The following HIF1A variants were observed in gnomAD, a reference collection of about 807,000 sequenced individuals.
HIF1A encodes hypoxia-inducible factor 1-alpha.
A neutral mutation model predicts 92.7 loss-of-function variants in HIF1A; 24 were observed. That is an observed-to-expected ratio of 0.26 (90% CI 0.19 to 0.36). The LOEUF (loss-of-function observed/expected upper bound fraction) is 0.36, where lower values mean the gene tolerates loss of function less well. Among genes scored for constraint, HIF1A ranks in the 10% least tolerant of loss-of-function variants. The pLI, the probability that HIF1A is intolerant of heterozygous loss-of-function variation, is 1.00. For synonymous variants in HIF1A, 319 were observed against 338.7 expected, an observed-to-expected ratio of 0.94 and a Z score of 0.64; for missense variants, 799 against 998.5, an observed-to-expected ratio of 0.80 and a Z score of 2.69.
intron 1 of HIF1A, among the ~76,000 whole-genome samples, chr14:61,711,177 CAT>C (rs932059283): frequency 9.0e-5 from 13 of 144,430 alleles, no homozygotes; most frequent in South Asian, 2.2e-4. Context: ...GTTCGGAAAA[CAT>C]AAAGATGATA....
At chr14:61,736,099 C>G (rs1594882654) in intron 8 of HIF1A, among the ~76,000 whole-genome samples, 1 of 151,730 alleles carries the variant, frequency 6.6e-6, no homozygotes, top group East Asian at 1.9e-4. Context: ...ATGCCTCAGC[C>G]TCCCAAGTAG....
chr14:61,700,768 A>G (rs979001536), intron 1 of HIF1A, among the ~76,000 whole-genome samples: 3 of 152,224 alleles, frequency 2.0e-5, no homozygotes, highest in East Asian at 3.8e-4. Context: ...AAGGGTTCCT[A>G]TTTCTCCACA....
intron 1 of HIF1A, among the ~76,000 whole-genome samples, chr14:61,698,298 G>T (rs1214902888): frequency 6.6e-6 from 1 of 152,194 alleles, no homozygotes; most frequent in Non-Finnish European, 1.5e-5. Context: ...GCATATGGTG[G>T]TTAAGAGCAT....
intron 6 of HIF1A, among the ~76,000 whole-genome samples, chr14:61,730,991 A>G (rs545628385): frequency 6.6e-6 from 1 of 152,288 alleles, no homozygotes; most frequent in South Asian, 2.1e-4. Context: ...CCCTTTGTAA[A>G]GAATTGAGGG....
intron 6 of HIF1A, 151 bp downstream of exon 6, chr14:61,727,806 G>C: frequency 3.2e-6 from 2 of 632,086 alleles, no homozygotes; most frequent in South Asian, 3.5e-5. Flanking sequence ...GCGGGGGGTG[G>C]ATCATCTGAG....
intron 1 of HIF1A, among the ~76,000 whole-genome samples, chr14:61,707,141 C>T (rs2044247406): frequency 2.0e-5 from 3 of 152,276 alleles, no homozygotes; most frequent in Admixed American, 6.5e-5. Context: ...TTGAAGAACA[C>T]GTTAAGTATC....
intron 1 of HIF1A, among the ~76,000 whole-genome samples, chr14:61,718,019 TAAA>T (rs67584071): frequency 2.8e-5 from 4 of 144,392 alleles, no homozygotes; most frequent in Admixed American, 1.4e-4. Context: ...AGAACTCCAT[TAAA>T]AAAAAAAAAA....
chr14:61,738,522 G>C, intron 10 of HIF1A, 149 bp downstream of exon 10: 1 of 748,430 alleles, frequency 1.3e-6, no homozygotes. Context: ...TATTGCAAGA[G>C]CTACTGCCTA....
intron 9 of HIF1A, among the ~76,000 whole-genome samples, chr14:61,737,628 T>C (rs2044653320): frequency 6.6e-6 from 1 of 152,268 alleles, no homozygotes; most frequent in African/African-American, 2.4e-5. Context: ...GGTTATACTA[T>C]ACTATTGTAT....
chr14:61,697,404 A>G (rs535626128), intron 1 of HIF1A, among the ~76,000 whole-genome samples: 49 of 152,348 alleles, frequency 3.2e-4, no homozygotes, highest in Non-Finnish European at 6.9e-4. Flanking sequence ...CCAGTTTTCT[A>G]TCCTTATTAT....
At position 61,709,320 on chromosome 14, in the gene HIF1A, C is replaced by G. The variant is rs147472239; in HGVS notation, c.36-11062C>G. ...ATCTAAAAACAAAAAGCACATTCTT[C>G]TTACAAGTAATATTTCAATACACAT... is the stretch of plus-strand genomic sequence containing the variant. On this transcript the variant is annotated intron_variant, in intron 1 of 14. Transcript: ENST00000337138. 2.1e-3 allele frequency among the ~76,000 whole-genome samples: 319 copies of G among 152,288 alleles called. 2 individuals carry two copies. Among genetic ancestry groups the G allele is most frequent in the Non-Finnish European group, 3.6e-3 (248 of 68,008 alleles).
At position 61,734,215 on chromosome 14, in the gene HIF1A, C is replaced by G; in HGVS notation, c.958C>G (p.Gln320Glu). The G allele has an allele frequency of 6.2e-7, 1 of 1,612,552 alleles. No individual in the cohort carries two copies. The highest frequency in any genetic ancestry group is 8.5e-7 in the Non-Finnish European group (1 of 1,178,690). ...KRGGYVWVET[Q>E]ATVIYNTKNS... ...AGGTGGATATGTCTGGGTTGAAACT[C>G]AAGCAACTGTCATATATAACACCAA... The change falls in exon 8 of 15, where the codon CAA becomes GAA. Residue 320 changes from glutamine to glutamate, a missense_variant. This residue lies in a region of HIF1A where 516 missense variants were observed against 721.0 expected (regional missense o/e 0.72). Transcript: ENST00000337138.
chr14:61,736,967 G>A lies in HIF1A; in HGVS notation c.1107G>A (p.Met369Ile). ...TTAAACCGGTTGAATCTTCAGATATGAAAATGACTCAGCTATTCACCAAAG... is the reference window on the plus strand; with the variant it reads ...TTAAACCGGTTGAATCTTCAGATATAAAAATGACTCAGCTATTCACCAAAG... ...CVLKPVESSD[M>I]KMTQLFTKVE... Residue 369 changes from methionine (M) to isoleucine (I), a missense_variant, in exon 9 of 15, where the codon ATG (methionine) becomes ATA (isoleucine). Physicochemically the swap from Met to Ile is conservative, Grantham distance 10. This residue lies in a region of HIF1A where 516 missense variants were observed against 721.0 expected (regional missense o/e 0.72). Transcript: ENST00000337138. 6.2e-7 allele frequency: 1 copy of A among 1,614,046 alleles called. No individual in the cohort carries two copies.
Position 61,745,814 on chromosome 14 carries a change from T to C in HIF1A, c.2326T>C (p.Ser776Pro). 1 of 1,605,808 alleles carries C rather than the reference T, an allele frequency of 6.2e-7. No homozygotes were observed. The highest frequency in any genetic ancestry group is 8.5e-7 in the Non-Finnish European group (1 of 1,176,004). ...GCAAAAGACAATTATTTTAATACCC[T>C]CTGGTTAGTTTATTCTTTTTGACCT... Reference protein sequence around the residue: ...MEQKTIILIPSDLACRLLGQS... With the variant: ...MEQKTIILIPPDLACRLLGQS... The change falls in exon 14 of 15, where the codon TCT (serine) becomes CCT (proline). Residue 776 changes from serine (S) to proline (P), a missense_variant. By Grantham distance (74) the Ser-to-Pro change is moderately conservative (BLOSUM62 -1). Coordinates refer to ENST00000337138, the MANE Select transcript of HIF1A (RefSeq NM_001530.4).
At chr14:61,742,406 CT>C (rs1308137235) in intron 12 of HIF1A, among the ~76,000 whole-genome samples, 1 of 152,160 alleles carries the variant, frequency 6.6e-6, no homozygotes, top group Non-Finnish European at 1.5e-5. Flanking sequence ...TGGGAGAGGT[CT>C]TTTCCCTAAG....
intron 7 of HIF1A, among the ~76,000 whole-genome samples, chr14:61,733,798 T>G (rs919181136): frequency 6.6e-6 from 1 of 152,168 alleles, no homozygotes; most frequent in Non-Finnish European, 1.5e-5. Flanking sequence ...AGGAAGTTAT[T>G]GTGGCACCAT....
rs1278767299 is a variant in HIF1A at position 61,741,169 on chromosome 14, T to C, written c.2074T>C (p.Ser692Pro). The C allele has an allele frequency of 6.2e-7, 1 of 1,601,040 alleles. No individual in the cohort carries two copies. Among genetic ancestry groups the C allele is most frequent in the South Asian group, 1.1e-5 (1 of 88,482 alleles). ...TCATCCAAGAAGCCCTAACGTGTTA[T>C]CTGTCGCTTTGAGTCAAAGGTATTT... ...KSHPRSPNVL[S>P]VALSQRTTVP... Residue 692 changes from serine (S) to proline (P), a missense_variant, in exon 12 of 15, where the codon TCT becomes CCT. By Grantham distance (74) the Ser-to-Pro change is moderately conservative. This residue lies in a region of HIF1A where 283 missense variants were observed against 277.5 expected (regional missense o/e 1.02). Coordinates refer to ENST00000337138, the MANE Select transcript of HIF1A (RefSeq NM_001530.4).
At chr14:61,728,074 C>T (rs980525424) in intron 6 of HIF1A, among the ~76,000 whole-genome samples, 1 of 151,330 alleles carries the variant, frequency 6.6e-6, no homozygotes, top group Non-Finnish European at 1.5e-5. Flanking sequence ...CTAAATTGAA[C>T]AGAATGATAC....
At chr14:61,728,502 T>A (rs930036360) in intron 6 of HIF1A, among the ~76,000 whole-genome samples, 1 of 152,172 alleles carries the variant, frequency 6.6e-6, no homozygotes, top group Non-Finnish European at 1.5e-5. Context: ...CCAAACAACA[T>A]CATCATCAAA....
Sources: gnomAD v4.1 joint callset for allele counts (sites outside exome capture counted in the v4.1 genomes callset) on GRCh38, gnomAD v4.1.1 for gene constraint, gnomAD v4.1.1 regional missense constraint, MANE v1.5 for transcripts, NCBI Gene and HGNC (gene_info 2026-07-23, HGNC 2026-07-21) for gene names.